HOXD11: variants seen among roughly 807,000 people sequenced by gnomAD.
HOXD11 encodes the protein homeobox D11.
A neutral mutation model predicts 23.1 loss-of-function variants in HOXD11; 16 were observed. That is an observed-to-expected ratio of 0.69 (90% CI 0.47 to 1.05). The LOEUF (loss-of-function observed/expected upper bound fraction) is 1.05, where lower values mean the gene tolerates loss of function less well. Ranked by LOEUF, HOXD11 falls within the 50% of genes least tolerant of loss-of-function variation. The probability of loss-of-function intolerance (pLI) is 0.00; values close to 1 mark genes in which losing one functional copy is unlikely to be tolerated. For synonymous variants in HOXD11, 262 were observed against 224.4 expected (o/e 1.17, Z -1.50); for missense variants, 564 against 495.6 (o/e 1.14, Z -1.31).
intron 1 of HOXD11, 114 bp from the exon 2 acceptor site, chr2:176,108,793 A>G: frequency 1.5e-6 from 1 of 679,394 alleles, no homozygotes; most frequent in Non-Finnish European, 2.5e-6. Flanking sequence ...GCCGCGGCAG[A>G]GAACGTCCCC....
chr2:176,113,043 G>T (rs1689699469), downstream of HOXD11, among the ~76,000 whole-genome samples: 1 of 152,226 alleles, frequency 6.6e-6, no homozygotes, highest in Non-Finnish European at 1.5e-5. Flanking sequence ...TTCTCCGGCC[G>T]CCGGCCCTTG....
At position 176,107,836 on chromosome 2, in the gene HOXD11, G is replaced by A. The variant is rs1307407888; in HGVS notation, c.481G>A (p.Ala161Thr). Residue 161 changes from alanine (A) to threonine (T), a missense_variant, in exon 1 of 2, where the codon GCC becomes ACC. Coordinates refer to ENST00000249504, the MANE Select transcript of HOXD11 (RefSeq NM_021192.3). ...PGPPHGPAGA[A>T]SNFYSAVGRN... ...GCCGCCGCACGGCCCCGCGGGCGCC[G>A]CCTCCAACTTCTACAGCGCGGTGGG... 2 of 1,432,064 alleles carry A rather than the reference G, an allele frequency of 1.4e-6. No homozygotes were observed. Among genetic ancestry groups the A allele is most frequent in the Non-Finnish European group, 1.8e-6 (2 of 1,089,542 alleles). 88.7% of individuals were successfully genotyped at this position (1,432,064 alleles called of 1,614,324 possible).
Position 176,108,113 on chromosome 2 carries a change from G to A in HOXD11, c.758G>A (p.Gly253Glu). The change falls in exon 1 of 2, where the codon GGG becomes GAG. Residue 253 changes from glycine (G) to glutamate (E), a missense_variant. Gly to Glu is a moderately conservative substitution (Grantham distance 98, BLOSUM62 -2). Coordinates refer to ENST00000249504, the MANE Select transcript of HOXD11 (RefSeq NM_021192.3). ...GGCGAGGGCCCCCCGGGAGAGGCGG[G>A]GGCCGAGAAGAGCAGCAGCGCAGGT... ...GDGEGPPGEA[G>E]AEKSSSAVAP... is the part of the protein sequence containing the mutation. The A allele has an allele frequency of 6.9e-7, 1 of 1,443,174 alleles. No individual in the cohort carries two copies. The highest frequency in any genetic ancestry group is 1.4e-5 in the South Asian group (1 of 72,878). The allele number at this position is 1,443,174 out of a possible 1,614,324, so 89.4% of individuals were successfully genotyped here.
In HOXD11 at chr2:176,107,945, C is replaced by T. The variant is rs1254096438; in HGVS notation, c.590C>T (p.Pro197Leu). Residue 197 changes from proline to leucine, a missense_variant, in exon 1 of 2, where the codon CCG becomes CTG. Physicochemically the swap from Pro to Leu is moderately conservative, Grantham distance 98. Coordinates refer to ENST00000249504, the MANE Select transcript of HOXD11 (RefSeq NM_021192.3). ...CCGTTCGCCGGGCCGCAGCCCCCGC[C>T]GCCACCCGCGCCGCCACAGCCCGAG... is the stretch of plus-strand genomic sequence containing the variant. ...GPPFAGPQPP[P>L]PPAPPQPEGA... 66 of 1,402,168 alleles carry T rather than the reference C, an allele frequency of 4.7e-5. No individual in the cohort carries two copies. The highest frequency in any genetic ancestry group is 5.6e-5 in the Non-Finnish European group (61 of 1,081,836). The allele number at this position is 1,402,168 out of a possible 1,614,324, so 86.9% of individuals were successfully genotyped here. A position where few individuals can be genotyped will look rare whatever the true frequency, so the allele number is the denominator to read the frequency against.
rs774459784 is a variant in HOXD11 at position 176,108,036 on chromosome 2, G to C, written c.681G>C (p.Lys227Asn). The change falls in exon 1 of 2, where the codon AAG becomes AAC. Residue 227 changes from lysine (K) to asparagine (N), a missense_variant. Coordinates refer to ENST00000249504, the MANE Select transcript of HOXD11 (RefSeq NM_021192.3). ...GCGGCGGGGGCAGTCCCTGCACCAA[G>C]GCGACCCCTGGCTCGGAGCCCAAGG... The part of the protein sequence containing the change: ...AGGGGGSPCT[K>N]ATPGSEPKGA... 2.0e-6 allele frequency: 3 copies of C among 1,492,932 alleles called. No individual in the cohort carries two copies. In the South Asian group the frequency reaches 3.8e-5, roughly 19 times the overall value. The allele number at this position is 1,492,932 out of a possible 1,614,324, so 92.5% of individuals were successfully genotyped here. A position where few individuals can be genotyped will look rare whatever the true frequency, so the allele number is the denominator to read the frequency against.
chr2:176,108,123 G>C lies in HOXD11; in HGVS notation c.768G>C (p.Lys256Asn), dbSNP rs1276387742. The C allele has an allele frequency of 8.2e-7, 1 of 1,224,120 alleles. No homozygotes were observed. The highest frequency in any genetic ancestry group is 1.7e-5 in the African/African-American group (1 of 58,466). The allele number at this position is 1,224,120 out of a possible 1,614,324, so 75.8% of individuals were successfully genotyped here. Residue 256 changes from lysine (K) to asparagine (N), a missense_variant, in exon 1 of 2, where the codon AAG (lysine) becomes AAC (asparagine). Transcript: ENST00000249504. ...EGPPGEAGAE[K>N]SSSAVAPQRS... ...CCCCGGGAGAGGCGGGGGCCGAGAA[G>C]AGCAGCAGCGCAGGTAGGCACCGGG...
At chr2:176,111,839 A>AC (rs1435212327), downstream of HOXD11, among the ~76,000 whole-genome samples, 4 of 148,052 alleles carry the variant, frequency 2.7e-5, no homozygotes, top group Non-Finnish European at 6.0e-5. Context: ...AAAAAAAAAA[A>AC]AAAAAAAAAA....
chr2:176,107,702 C>G lies in HOXD11; in HGVS notation c.347C>G (p.Ala116Gly). Residue 116 changes from alanine (A) to glycine (G), a missense_variant, in exon 1 of 2, where the codon GCG (alanine) becomes GGG (glycine). Transcript: ENST00000249504. ...GCGGCGGCGGCGGCGGCGGCTGCGG[C>G]GGCCGCGGCGGCCGAGGAGGCGGCC... ...YYAAAAAAAA[A>G]AAAAEEAAMQ... The G allele has an allele frequency of 9.7e-7, 1 of 1,031,878 alleles. No homozygotes were observed. The highest frequency in any genetic ancestry group is 1.2e-6 in the Non-Finnish European group (1 of 863,654). 63.9% of individuals were successfully genotyped at this position (1,031,878 alleles called of 1,614,324 possible).
At position 176,109,059 on chromosome 2, in the gene HOXD11, A is replaced by G; in HGVS notation, c.934A>G (p.Ile312Val). ...MLNLTDRQVK[I>V]WFQNRRMKEK... is the part of the protein sequence containing the mutation. ...CAACCTCACTGACCGGCAAGTCAAA[A>G]TCTGGTTCCAGAATCGCAGGATGAA... Residue 312 changes from isoleucine (I) to valine (V), a missense_variant, in exon 2 of 2, where the codon ATC becomes GTC. Transcript: ENST00000249504. 6.2e-7 allele frequency: 1 copy of G among 1,614,202 alleles called. No homozygotes were observed. The highest frequency in any genetic ancestry group is 8.5e-7 in the Non-Finnish European group (1 of 1,180,000).
At chr2:176,108,815 G>C in intron 1 of HOXD11, 92 bp from the exon 2 acceptor site, 1 of 836,600 alleles carries the variant, frequency 1.2e-6, no homozygotes, top group Non-Finnish European at 1.9e-6. Flanking sequence ...ACGGGGCCAG[G>C]GCCTGGCCCT....
chr2:176,109,170 C>T lies in HOXD11; in HGVS notation c.*28C>T, dbSNP rs373344847. 6.6e-6 allele frequency: 9 copies of T among 1,357,940 alleles called. No individual in the cohort carries two copies. In the African/African-American group the frequency reaches 1.2e-4, roughly 17 times the overall value. The allele number at this position is 1,357,940 out of a possible 1,614,324, so 84.1% of individuals were successfully genotyped here. ...GCTCCAGGAAGCGCCCTCACCCCAG[C>T]CCCACTCACCCACCCTCCTTCCCAC... On this transcript the variant is annotated 3_prime_UTR_variant, in exon 2 of 2. Transcript: ENST00000249504.
rs531391818 is a variant in HOXD11, at chr2:176,107,314, G to C, written c.-42G>C. 8 of 1,568,972 alleles carry C rather than the reference G, an allele frequency of 5.1e-6. No homozygotes were observed. The South Asian group carries it at 5.8e-5, about 11-fold the overall frequency. On this transcript the variant is annotated 5_prime_UTR_variant, in exon 1 of 2. Coordinates refer to ENST00000249504, the MANE Select transcript of HOXD11 (RefSeq NM_021192.3). ...AATCGATGGCTCAGGTTGGCTGCGC[G>C]GGGAGCGGCCAGAGGCTCGCTGGCG...
chr2:176,108,070 G>A lies in HOXD11; in HGVS notation c.715G>A (p.Glu239Lys). 2 of 1,479,874 alleles carry A rather than the reference G, an allele frequency of 1.4e-6. No individual in the cohort carries two copies. Among genetic ancestry groups the A allele is most frequent in the South Asian group, 1.3e-5 (1 of 78,260 alleles). The allele number at this position is 1,479,874 out of a possible 1,614,324, so 91.7% of individuals were successfully genotyped here. Residue 239 changes from glutamate (E) to lysine (K), a missense_variant, in exon 1 of 2, where the codon GAA becomes AAA. Transcript: ENST00000249504. ...TPGSEPKGAA[E>K]GSGGDGEGPP... ...TGGCTCGGAGCCCAAGGGGGCAGCAGAAGGCAGCGGTGGCGACGGCGAGGG... is the reference window on the plus strand; with the variant it reads ...TGGCTCGGAGCCCAAGGGGGCAGCAAAAGGCAGCGGTGGCGACGGCGAGGG...
downstream of HOXD11, among the ~76,000 whole-genome samples, chr2:176,111,769 T>G (rs908493453): frequency 7.2e-6 from 1 of 138,578 alleles, no homozygotes; most frequent in Admixed American, 7.9e-5. Context: ...TTGGTTTCAG[T>G]GTGGAGAGCC....
downstream of HOXD11, among the ~76,000 whole-genome samples, chr2:176,112,077 G>A (rs113601842): frequency 0.051 from 7,793 of 152,248 alleles, 652 homozygotes; most frequent in African/African-American, 0.17. Flanking sequence ...CCCAGGCCGG[G>A]CTGGGCTGAT....
rs765141562 is a variant in HOXD11 at position 176,107,328 on chromosome 2, G to A, written c.-28G>A. 4 of 1,555,352 alleles carry A rather than the reference G, an allele frequency of 2.6e-6. No individual in the cohort carries two copies. The highest frequency in any genetic ancestry group is 2.0e-5 in the Admixed American group (1 of 51,136). On this transcript the variant is annotated 5_prime_UTR_variant, in exon 1 of 2. Transcript: ENST00000249504. Reference sequence around the variant, plus strand: ...GTTGGCTGCGCGGGGAGCGGCCAGAGGCTCGCTGGCGCGCACGCCGCGGAG... The same window carrying A: ...GTTGGCTGCGCGGGGAGCGGCCAGAAGCTCGCTGGCGCGCACGCCGCGGAG...
Position 176,107,534 on chromosome 2 carries a change from A to C in HOXD11, c.179A>C (p.Glu60Ala). 1.2e-6 allele frequency: 2 copies of C among 1,612,814 alleles called. No homozygotes were observed. The highest frequency in any genetic ancestry group is 1.1e-5 in the South Asian group (1 of 91,008). Residue 60 changes from glutamate (E) to alanine (A), a missense_variant, in exon 1 of 2, where the codon GAA (glutamate) becomes GCA (alanine). Transcript: ENST00000249504. ...NLAPHVQPVR[E>A]VAFRDYGLER... ...GCTCCGCACGTCCAGCCCGTGCGCG[A>C]AGTGGCCTTCCGCGACTACGGCCTG...
rs1215122799 is a variant in HOXD11 at position 176,108,032 on chromosome 2, C to G, written c.677C>G (p.Thr226Ser). 9 of 1,492,398 alleles carry G rather than the reference C, an allele frequency of 6.0e-6. No individual in the cohort carries two copies. Among genetic ancestry groups the G allele is most frequent in the African/African-American group, 2.9e-5 (2 of 68,946 alleles). The allele number at this position is 1,492,398 out of a possible 1,614,324, so 92.4% of individuals were successfully genotyped here. A position where few individuals can be genotyped will look rare whatever the true frequency, so the allele number is the denominator to read the frequency against. ...GGTGGCGGCGGGGGCAGTCCCTGCA[C>G]CAAGGCGACCCCTGGCTCGGAGCCC... Reference protein sequence around the residue: ...GAGGGGGSPCTKATPGSEPKG... With the variant: ...GAGGGGGSPCSKATPGSEPKG... The change falls in exon 1 of 2, where the codon ACC (threonine) becomes AGC (serine). Residue 226 changes from threonine to serine, a missense_variant. Transcript: ENST00000249504.
chr2:176,113,621 T>C (rs1440509550), downstream of HOXD11, among the ~76,000 whole-genome samples: 1 of 152,196 alleles, frequency 6.6e-6, no homozygotes, highest in Non-Finnish European at 1.5e-5. Flanking sequence ...CTTTCCATCC[T>C]TTGGGGCTCG....
Sources: allele counts gnomAD v4.1 joint callset (sites outside exome capture counted in the v4.1 genomes callset), GRCh38; gene constraint gnomAD v4.1.1; transcripts MANE v1.5; gene names NCBI Gene and HGNC (gene_info 2026-07-23, HGNC 2026-07-21).